Variants in ALDH1L1 observed in about 807,000 individuals in gnomAD.
ALDH1L1 encodes aldehyde dehydrogenase 1 family member L1, also known as cytosolic 10-formyltetrahydrofolate dehydrogenase.
In ALDH1L1, 68 loss-of-function variants were observed where a neutral mutation model predicts 101.1. The ratio of observed to expected loss-of-function variants is 0.67; its 90% CI spans 0.55 to 0.82. The LOEUF (loss-of-function observed/expected upper bound fraction) is 0.82. ALDH1L1 is among the 40% of genes least tolerant of loss of function. The pLI is 0.00. For missense variants in ALDH1L1, 1,087 were observed against 1,172.7 expected, an observed-to-expected ratio of 0.93 and a Z score of 1.07; for synonymous variants, 486 against 470.8, an observed-to-expected ratio of 1.03 and a Z score of -0.42.
At chr3:126,193,763 G>A (rs1486112577) in intron 1 of ALDH1L1, among the ~76,000 whole-genome samples, 1 of 152,206 alleles carries the variant, frequency 6.6e-6, no homozygotes, top group African/African-American at 2.4e-5. Context: ...AGTAGACCAT[G>A]CATTTCATTC....
At chr3:126,113,185 G>C (rs1946136089) in intron 18 of ALDH1L1, among the ~76,000 whole-genome samples, 1 of 152,222 alleles carries the variant, frequency 6.6e-6, no homozygotes, top group African/African-American at 2.4e-5. Context: ...GTGAGCCTTG[G>C]CCTGCCTGAG....
At chr3:126,138,933 T>C (rs2080509818) in intron 9 of ALDH1L1, among the ~76,000 whole-genome samples, 1 of 152,216 alleles carries the variant, frequency 6.6e-6, no homozygotes, top group East Asian at 1.9e-4. Context: ...GGAGAAAGAC[T>C]GGTAAAGAAG....
chr3:126,160,937 C>T lies in ALDH1L1; in HGVS notation c.43G>A (p.Val15Ile). 1 of 1,614,272 alleles carries T rather than the reference C, an allele frequency of 6.2e-7. No individual in the cohort carries two copies. Reference protein sequence around the residue: ...VIGQSLFGQEVYCHLRKEGHE... With the variant: ...VIGQSLFGQEIYCHLRKEGHE... The stretch of plus-strand genomic sequence containing the variant: ...CCCTCCTTCCTCAGGTGGCAGTAAA[C>T]TTCCTGGCCAAACAGGCTCTGTCCA... Residue 15 changes from valine to isoleucine, a missense_variant, in exon 2 of 23, where the codon GTT (valine) becomes ATT (isoleucine). This residue lies in a region of ALDH1L1 where 645 missense variants were observed against 637.0 expected (regional missense o/e 1.01). Coordinates refer to ENST00000393434, the MANE Select transcript of ALDH1L1 (RefSeq NM_012190.4).
intron 20 of ALDH1L1, 62 bp downstream of exon 20, chr3:126,109,864 GTTCAGCTGGACAGGGAAC>G: frequency 6.4e-7 from 1 of 1,568,418 alleles, no homozygotes; most frequent in Non-Finnish European, 8.6e-7. Context: ...GATGTCTCCA[GTTCAGCTGGACAGGGAAC>G]CAGAGGCCAT....
upstream of ALDH1L1, chr3:126,181,027 T>C (rs2081467723): frequency 1.3e-6 from 2 of 1,593,866 alleles, no homozygotes; most frequent in Admixed American, 3.5e-5. Flanking sequence ...TGCAGCCGCT[T>C]GCAGAGGCGG....
At chr3:126,162,883 C>T (rs1355487415) in intron 1 of ALDH1L1, among the ~76,000 whole-genome samples, 2 of 152,120 alleles carry the variant, frequency 1.3e-5, no homozygotes, top group Admixed American at 1.3e-4. Flanking sequence ...GGTAGAAGTC[C>T]AGAATTTTTT....
At chr3:126,159,243 CA>C (rs1404829794) in intron 2 of ALDH1L1, 32 of 366,260 alleles carry the variant, frequency 8.7e-5, no homozygotes, top group South Asian at 3.3e-4. Flanking sequence ...CACACACACA[CA>C]CACCCCAGAG....
At chr3:126,106,262 A>G (rs779153806) in intron 21 of ALDH1L1, among the ~76,000 whole-genome samples, 11 of 152,366 alleles carry the variant, frequency 7.2e-5, no homozygotes, top group Non-Finnish European at 1.3e-4. Flanking sequence ...TTCACCAGAC[A>G]TCAGCGATTT....
chr3:126,145,758 T>A (rs776314767), intron 9 of ALDH1L1, among the ~76,000 whole-genome samples: 7 of 152,254 alleles, frequency 4.6e-5, no homozygotes, highest in Non-Finnish European at 1.0e-4. Context: ...TGACCAACAC[T>A]GTGCTCATAG....
intron 5 of ALDH1L1, 78 bp from the exon 6 acceptor site, chr3:126,154,721 C>A: frequency 7.3e-7 from 1 of 1,371,818 alleles, no homozygotes; most frequent in South Asian, 1.2e-5. Context: ...GGACAGTGGA[C>A]CAAGCTCTTG....
chr3:126,117,602 T>C (rs546024245), intron 17 of ALDH1L1, among the ~76,000 whole-genome samples: 1 of 151,486 alleles, frequency 6.6e-6, no homozygotes, highest in South Asian at 2.1e-4. Context: ...CAGTGAGCTA[T>C]GATGGTGCCA....
chr3:126,136,919 T>C (rs2080459623), intron 10 of ALDH1L1, 36 bp from the exon 11 acceptor site: 1 of 1,612,240 alleles, frequency 6.2e-7, no homozygotes, highest in Non-Finnish European at 8.5e-7. Flanking sequence ...CACAAACCCA[T>C]GCAGGGTGCA....
chr3:126,111,032 C>T (rs892042448), intron 19 of ALDH1L1, among the ~76,000 whole-genome samples: 30 of 152,174 alleles, frequency 2.0e-4, no homozygotes, highest in African/African-American at 6.8e-4. Context: ...TCTGTGTCCC[C>T]GCAGTCACAC....
intron 1 of ALDH1L1, among the ~76,000 whole-genome samples, chr3:126,173,733 T>G (rs981107902): frequency 8.5e-5 from 13 of 152,162 alleles, no homozygotes; most frequent in Admixed American, 7.2e-4. Context: ...AAAAACCAGA[T>G]AGGTTACAAA....
chr3:126,197,205 T>C lies in ALDH1L1; in HGVS notation c.-24+530A>G, dbSNP rs143385843. 4.7e-3 allele frequency among the ~76,000 whole-genome samples: 716 copies of C among 152,362 alleles called. 4 individuals carry two copies. Among genetic ancestry groups the C allele is most frequent in the African/African-American group, 0.016 (681 of 41,582 alleles). ...TTATTTGGAATGTACCACTGTAAGT[T>C]ATCTTTAGTAACGTTTCGCTGTTTC... On this transcript the variant is annotated intron_variant, in intron 1 of 2. Transcript: ENST00000509952.
Position 126,154,561 on chromosome 3 carries a change from C to G in ALDH1L1, c.713G>C (p.Cys238Ser). Residue 238 changes from cysteine (C) to serine (S), a missense_variant, in exon 6 of 23, where the codon TGT becomes TCT. Transcript: ENST00000393434. Reference sequence around the variant, plus strand: ...AGCCATGCAGGGACACACCTGTTCACAGGCCTCTGTCCAGGCTCCCGGCAC... The same window carrying G: ...AGCCATGCAGGGACACACCTGTTCAGAGGCCTCTGTCCAGGCTCCCGGCAC... ...DKVPGAWTEA[C>S]EQKLTFFNST... The G allele has an allele frequency of 6.2e-7, 1 of 1,614,152 alleles. No homozygotes were observed. Among genetic ancestry groups the G allele is most frequent in the Non-Finnish European group, 8.5e-7 (1 of 1,179,998 alleles).
Position 126,114,463 on chromosome 3 carries a change from TG to T in ALDH1L1, c.2082+93del. 3 of 1,015,050 alleles carry T rather than the reference TG, an allele frequency of 3.0e-6. No homozygotes were observed. In the South Asian group the frequency reaches 8.1e-5, roughly 27 times the overall value. 62.9% of individuals were successfully genotyped at this position (1,015,050 alleles called of 1,614,324 possible). A position where few individuals can be genotyped will look rare whatever the true frequency, so the allele number is the denominator to read the frequency against. On this transcript the variant is annotated intron_variant, in intron 18 of 22. Coordinates refer to ENST00000393434, the MANE Select transcript of ALDH1L1 (RefSeq NM_012190.4). ...ATGGACTCCACCAGGGCTACACGTG[TG>T]AGTGTGGCTGTGGAATCAGAGACAG... is the stretch of plus-strand genomic sequence containing the variant.
chr3:126,133,291 C>T (rs1392386433), intron 12 of ALDH1L1, among the ~76,000 whole-genome samples: 1 of 152,208 alleles, frequency 6.6e-6, no homozygotes, highest in African/African-American at 2.4e-5. Flanking sequence ...CTTGGCAGCC[C>T]TCAGACCCAG....
Position 126,157,400 on chromosome 3 carries a change from G to A in ALDH1L1, c.471C>T (p.Asp157=). The A allele has an allele frequency of 1.2e-6, 2 of 1,614,040 alleles. No individual in the cohort carries two copies. The highest frequency in any genetic ancestry group is 2.2e-5 in the East Asian group (1 of 44,860). ...LLQKECEVLP[D]DTVSTLYNRF... is the part of the protein sequence containing the mutation. ...GGTTGTACAGCGTGCTCACGGTGTCGTCCGGGAGCACCTCACACTCCTTCT... is the reference window on the plus strand; with the variant it reads ...GGTTGTACAGCGTGCTCACGGTGTCATCCGGGAGCACCTCACACTCCTTCT... Residue 157 remains aspartate (D), a synonymous_variant, in exon 4 of 23, where the codon GAC becomes GAT. Coordinates refer to ENST00000393434, the MANE Select transcript of ALDH1L1 (RefSeq NM_012190.4).
Sources: allele counts gnomAD v4.1 joint callset (sites outside exome capture counted in the v4.1 genomes callset), GRCh38; gene constraint gnomAD v4.1.1; regional missense constraint gnomAD v4.1.1; transcripts MANE v1.5; gene names NCBI Gene and HGNC (gene_info 2026-07-23, HGNC 2026-07-21).